The following SYS1 variants were observed in gnomAD, a reference collection of about 807,000 sequenced individuals.
The protein encoded by SYS1 is protein SYS1 homolog.
SYS1 carries 8 observed loss-of-function variants against 17.8 expected under a neutral mutation model. The observed-to-expected ratio is 0.45, with a 90% confidence interval of 0.26 to 0.81. The LOEUF is 0.81. Ranked by LOEUF, SYS1 falls within the 40% of genes least tolerant of loss-of-function variation. The probability of loss-of-function intolerance (pLI) is 0.16; values close to 1 mark genes in which losing one functional copy is unlikely to be tolerated. For synonymous variants in SYS1, 95 were observed against 90.9 expected, an observed-to-expected ratio of 1.05 and a Z score of -0.26; for missense variants, 161 against 203.9, an observed-to-expected ratio of 0.79 and a Z score of 1.28.
At position 45,363,531 on chromosome 20, in the gene SYS1, C is replaced by T. The variant is rs1305245790; in HGVS notation, c.-1C>T. 5 of 1,540,098 alleles carry T rather than the reference C, an allele frequency of 3.2e-6. No homozygotes were observed. In the Admixed American group the frequency reaches 7.8e-5, roughly 24 times the overall value. The stretch of plus-strand genomic sequence containing the variant: ...AGGCCCGGCTCGTGTCCCTGCAGGG[C>T]ATGGCGGGTCAGTTCCGCAGCTACG... On this transcript the variant is annotated splice_region_variant and 5_prime_UTR_variant, in exon 2 of 4. Coordinates refer to ENST00000243918, the MANE Select transcript of SYS1 (RefSeq NM_033542.4).
intron 3 of SYS1, chr20:45,365,941 T>G (rs922332576): frequency 1.7e-5 from 9 of 520,732 alleles, no homozygotes; most frequent in South Asian, 8.3e-5. Context: ...TTCCCTGATG[T>G]GGAGTGAGCT....
Position 45,367,661 on chromosome 20 carries a change from G to A in SYS1, c.*546G>A, listed in dbSNP as rs1988462450. The A allele has an allele frequency of 4.0e-6, 4 of 990,936 alleles. No homozygotes were observed. Among genetic ancestry groups the A allele is most frequent in the Non-Finnish European group, 4.8e-6 (4 of 832,940 alleles). The allele number at this position is 990,936 out of a possible 1,614,324, so 61.4% of individuals were successfully genotyped here. On this transcript the variant is annotated 3_prime_UTR_variant, in exon 4 of 4. Transcript: ENST00000243918. Reference sequence around the variant, plus strand: ...GGCTGCTGTCAGGGAGAGGATGGCAGATGGAGGCATCAAGCACAAGGAAAA... The same window carrying A: ...GGCTGCTGTCAGGGAGAGGATGGCAAATGGAGGCATCAAGCACAAGGAAAA...
chr20:45,363,816 T>G, intron 2 of SYS1, 123 bp downstream of exon 2: 1 of 1,099,258 alleles, frequency 9.1e-7, no homozygotes, highest in South Asian at 1.6e-5. Flanking sequence ...GGGAAAGGGA[T>G]TTCACCTTTC....
In SYS1 at chr20:45,368,526, T is replaced by C; in HGVS notation, c.*1411T>C. 9.1e-6 allele frequency: 9 copies of C among 985,416 alleles called. No individual in the cohort carries two copies. The highest frequency in any genetic ancestry group is 1.1e-5 in the Non-Finnish European group (9 of 829,936). 61.0% of individuals were successfully genotyped at this position (985,416 alleles called of 1,614,324 possible). On this transcript the variant is annotated 3_prime_UTR_variant, in exon 4 of 4. Coordinates refer to ENST00000243918, the MANE Select transcript of SYS1 (RefSeq NM_033542.4). ...ATGGTAACACAAATGAGTTTTGCTATCTCTCTGAGAAGCTCATCTGACCTC... is the reference window on the plus strand; with the variant it reads ...ATGGTAACACAAATGAGTTTTGCTACCTCTCTGAGAAGCTCATCTGACCTC...
upstream of SYS1, among the ~76,000 whole-genome samples, chr20:45,362,247 T>A (rs993283551): frequency 3.9e-5 from 6 of 152,232 alleles, no homozygotes; most frequent in Non-Finnish European, 7.3e-5. Flanking sequence ...ATAGTTCATC[T>A]GTGTCTCAGG....
In SYS1 at chr20:45,368,242, A is replaced by G. The variant is rs148507426; in HGVS notation, c.*1127A>G. The G allele has an allele frequency of 1.0e-6, 1 of 985,420 alleles. No homozygotes were observed. The highest frequency in any genetic ancestry group is 1.7e-5 in the African/African-American group (1 of 57,336). The allele number at this position is 985,420 out of a possible 1,614,324, so 61.0% of individuals were successfully genotyped here. A position where few individuals can be genotyped will look rare whatever the true frequency, so the allele number is the denominator to read the frequency against. ...TCCTGGACCCCAGAGTCATTCCTCC[A>G]TTTGGTTAAAATACTCAGTGCAGGG... is the stretch of plus-strand genomic sequence containing the variant. On this transcript the variant is annotated 3_prime_UTR_variant, in exon 4 of 4. Transcript: ENST00000243918.
exon 4 of SYS1, chr20:45,375,303 C>T: frequency 6.2e-7 from 1 of 1,614,186 alleles, no homozygotes; most frequent in Non-Finnish European, 8.5e-7. Flanking sequence ...CTCCAGGGTT[C>T]AAGCTATCAT....
downstream of SYS1, chr20:45,374,155 G>T: frequency 5.4e-6 from 4 of 734,708 alleles, no homozygotes; most frequent in South Asian, 4.6e-5. Flanking sequence ...CTCCCTTTAA[G>T]CTAGACCCGG....
intron 2 of SYS1, chr20:45,365,303 G>A: frequency 2.3e-6 from 1 of 431,392 alleles, no homozygotes; most frequent in Non-Finnish European, 4.3e-6. Context: ...CAGGCCTATG[G>A]AGCCATAGTC....
At chr20:45,375,509 A>G in exon 4 of SYS1, 1 of 1,568,482 alleles carries the variant, frequency 6.4e-7, no homozygotes, top group Non-Finnish European at 8.7e-7. Context: ...ATCTCCTGGA[A>G]CTCTTCATTA....
At chr20:45,363,868 A>C (rs997068799) in intron 2 of SYS1, among the ~76,000 whole-genome samples, 175 bp downstream of exon 2, 1 of 152,212 alleles carries the variant, frequency 6.6e-6, no homozygotes, top group Non-Finnish European at 1.5e-5. Context: ...ATGACAGCAG[A>C]GGCTGATTAG....
chr20:45,375,239 A>T, exon 4 of SYS1: 1 of 1,614,178 alleles, frequency 6.2e-7, no homozygotes, highest in Admixed American at 1.7e-5. Flanking sequence ...CTATTGCGGT[A>T]GGGCTTAATG....
At chr20:45,374,068 G>T, downstream of SYS1, 1 of 1,553,062 alleles carries the variant, frequency 6.4e-7, no homozygotes, top group Non-Finnish European at 8.9e-7. Context: ...GGCGCTGGTC[G>T]TTTGGGGAGC....
At position 45,367,028 on chromosome 20, in the gene SYS1, A is replaced by G; in HGVS notation, c.384A>G (p.Ala128=). The change falls in exon 4 of 4, where the codon GCA becomes GCG. Residue 128 remains alanine (A), a synonymous_variant. Coordinates refer to ENST00000243918, the MANE Select transcript of SYS1 (RefSeq NM_033542.4). ...TWWLVQAVCI[A]LMAVIGEYLC... is the part of the protein sequence containing the mutation. ...GGCTGGTCCAAGCCGTGTGCATTGC[A>G]CTCATGGCTGTCATCGGGGAGTACC... is the stretch of plus-strand genomic sequence containing the variant. The G allele has an allele frequency of 1.9e-6, 3 of 1,614,082 alleles. No homozygotes were observed. The highest frequency in any genetic ancestry group is 2.5e-6 in the Non-Finnish European group (3 of 1,180,022).
chr20:45,374,433 G>T, exon 4 of SYS1: 1 of 569,750 alleles, frequency 1.8e-6, no homozygotes, highest in South Asian at 2.4e-5. Context: ...CACCACATCT[G>T]GCTAATTTTT....
chr20:45,372,291 C>T (rs1333818645), downstream of SYS1, among the ~76,000 whole-genome samples: 2 of 152,208 alleles, frequency 1.3e-5, no homozygotes, highest in Non-Finnish European at 2.9e-5. Flanking sequence ...ATGCTGGGTC[C>T]CCGCCTTCGT....
intron 2 of SYS1, 149 bp from the exon 3 acceptor site, chr20:45,365,470 C>T (rs980149769): frequency 8.8e-6 from 7 of 799,360 alleles, no homozygotes; most frequent in Non-Finnish European, 1.6e-5. Context: ...TATGAAAGCA[C>T]CTATTGGAAA....
rs1229949205 is a variant in SYS1, at chr20:45,368,430, C to G, written c.*1315C>G. The stretch of plus-strand genomic sequence containing the variant: ...CTTCCGCATTGAAACCTTCACTGTT[C>G]CTCTTTGGTTTCTTCAGAGCTTTCC... On this transcript the variant is annotated 3_prime_UTR_variant, in exon 4 of 4. Coordinates refer to ENST00000243918, the MANE Select transcript of SYS1 (RefSeq NM_033542.4). The G allele has an allele frequency of 7.1e-6, 7 of 985,304 alleles. No homozygotes were observed. The highest frequency in any genetic ancestry group is 6.2e-5 in the Admixed American group (1 of 16,260). The allele number at this position is 985,304 out of a possible 1,614,324, so 61.0% of individuals were successfully genotyped here. A position where few individuals can be genotyped will look rare whatever the true frequency, so the allele number is the denominator to read the frequency against.
chr20:45,374,901 G>T, exon 4 of SYS1: 1 of 1,218,426 alleles, frequency 8.2e-7, no homozygotes. Flanking sequence ...CTCTGGACAT[G>T]AAGGCGGAGC....
Sources: gnomAD v4.1 joint callset for allele counts (sites outside exome capture counted in the v4.1 genomes callset) on GRCh38, gnomAD v4.1.1 for gene constraint, MANE v1.5 for transcripts, NCBI Gene and HGNC (gene_info 2026-07-23, HGNC 2026-07-21) for gene names.